Variants in ROBO1 observed in about 807,000 individuals in gnomAD.
The protein encoded by ROBO1 is roundabout homolog 1.
ROBO1 carries 149 observed loss-of-function variants against 195.9 expected under a neutral mutation model. The ratio of observed to expected loss-of-function variants is 0.76; its 90% CI spans 0.67 to 0.87. The LOEUF is 0.87. Ranked by LOEUF, ROBO1 falls within the 40% of genes least tolerant of loss-of-function variation. The pLI is 0.00. For synonymous variants in ROBO1, 816 were observed against 733.2 expected, an observed-to-expected ratio of 1.11 and a Z score of -1.82; for missense variants, 1,933 against 2,068.3, an observed-to-expected ratio of 0.93 and a Z score of 1.27.
chr3:79,616,857 C>A (rs1944838249), intron 1 of ROBO1, among the ~76,000 whole-genome samples: 1 of 152,100 alleles, frequency 6.6e-6, no homozygotes, highest in Non-Finnish European at 1.5e-5. Context: ...AAGGGTTGTG[C>A]TCATGTCCCA....
At chr3:79,427,346 T>C (rs1210355027) in intron 2 of ROBO1, among the ~76,000 whole-genome samples, 1 of 152,204 alleles carries the variant, frequency 6.6e-6, no homozygotes. Context: ...ATGTACATTT[T>C]AGAATACTCT....
chr3:79,362,894 G>GA (rs1559846109), intron 2 of ROBO1, among the ~76,000 whole-genome samples: 3 of 152,024 alleles, frequency 2.0e-5, no homozygotes, highest in African/African-American at 7.2e-5. Context: ...GGGAGATAAG[G>GA]AAAAAACCCA....
chr3:79,051,081 A>C (rs1228481439), intron 3 of ROBO1, among the ~76,000 whole-genome samples: 1 of 152,168 alleles, frequency 6.6e-6, no homozygotes, highest in African/African-American at 2.4e-5. Context: ...AAGGAGATAG[A>C]GACACAAAAA....
chr3:78,739,979 C>A (rs561720814), intron 5 of ROBO1, among the ~76,000 whole-genome samples: 1 of 152,082 alleles, frequency 6.6e-6, no homozygotes, highest in Non-Finnish European at 1.5e-5. Flanking sequence ...AATGCAAGTG[C>A]CCCCTTGGTT....
intron 2 of ROBO1, among the ~76,000 whole-genome samples, chr3:79,574,748 T>C (rs1419618159): frequency 1.3e-5 from 2 of 151,828 alleles, no homozygotes; most frequent in African/African-American, 4.8e-5. Context: ...ATATAATAAA[T>C]TTAATTAAAT....
chr3:79,194,789 G>C (rs1288065325), intron 2 of ROBO1, among the ~76,000 whole-genome samples: 1 of 151,470 alleles, frequency 6.6e-6, no homozygotes, highest in African/African-American at 2.4e-5. Flanking sequence ...TGCCATTCAA[G>C]TAAATGAGAA....
intron 1 of ROBO1, among the ~76,000 whole-genome samples, chr3:79,615,591 A>G (rs1011496388): frequency 1.2e-4 from 18 of 152,184 alleles, no homozygotes; most frequent in African/African-American, 3.9e-4. Flanking sequence ...ATATAGATTA[A>G]TCAAAATAGC....
rs537267877 is a variant in ROBO1 at position 79,641,853 on chromosome 3, A to G, written c.-50-51892T>C. ...GGCAACATGGTGAAACCCCATCTCT[A>G]TAAAAATATACAAAACTTAGCCAGG... On this transcript the variant is annotated intron_variant, in intron 1 of 30. Transcript: ENST00000464233. Among the ~76,000 whole-genome samples, 29 of 152,080 alleles carry G rather than the reference A, an allele frequency of 1.9e-4. 1 individual carries two copies. In the Middle Eastern group the frequency reaches 0.014, roughly 71 times the overall value.
At chr3:79,620,458 G>A (rs775567177) in intron 1 of ROBO1, among the ~76,000 whole-genome samples, 2 of 152,014 alleles carry the variant, frequency 1.3e-5, no homozygotes, top group Non-Finnish European at 2.9e-5. Context: ...ACTGTTGTGG[G>A]TATCGACGGC....
At chr3:79,638,709 A>G (rs1464373548) in intron 1 of ROBO1, among the ~76,000 whole-genome samples, 1 of 152,234 alleles carries the variant, frequency 6.6e-6, no homozygotes, top group African/African-American at 2.4e-5. Flanking sequence ...AATCTTTTTC[A>G]GTATTAGAGC....
At chr3:79,167,464 T>C (rs2081089488) in intron 2 of ROBO1, among the ~76,000 whole-genome samples, 1 of 152,156 alleles carries the variant, frequency 6.6e-6, no homozygotes, top group South Asian at 2.1e-4. Context: ...TCCTATAACT[T>C]ATATCTTTAT....
chr3:78,768,885 C>T (rs1381626246), intron 4 of ROBO1, among the ~76,000 whole-genome samples: 2 of 147,316 alleles, frequency 1.4e-5, no homozygotes, highest in East Asian at 4.1e-4. Flanking sequence ...GTTCAATTCC[C>T]ACCTATGAGT....
chr3:78,786,631 C>T (rs1238386587), intron 4 of ROBO1, among the ~76,000 whole-genome samples: 1 of 152,048 alleles, frequency 6.6e-6, no homozygotes, highest in Non-Finnish European at 1.5e-5. Context: ...TTCTCCTTCA[C>T]TAATGATAGT....
intron 4 of ROBO1, among the ~76,000 whole-genome samples, chr3:78,921,370 T>C (rs943702747): frequency 2.0e-4 from 31 of 152,192 alleles, no homozygotes; most frequent in Admixed American, 6.5e-5. Context: ...ATAGCATAAG[T>C]ACCCTCTCTA....
At chr3:78,786,482 A>G (rs2108505144) in intron 4 of ROBO1, among the ~76,000 whole-genome samples, 1 of 152,184 alleles carries the variant, frequency 6.6e-6, no homozygotes, top group East Asian at 1.9e-4. Flanking sequence ...CTCATGATTC[A>G]AGTATTATCA....
chr3:79,057,402 T>C (rs1320090675), intron 3 of ROBO1, among the ~76,000 whole-genome samples: 1 of 152,032 alleles, frequency 6.6e-6, no homozygotes, highest in Non-Finnish European at 1.5e-5. Context: ...ATGTGAATAC[T>C]GACAACGAAA....
At chr3:79,761,344 G>A (rs1704687830) in intron 1 of ROBO1, among the ~76,000 whole-genome samples, 2 of 151,622 alleles carry the variant, frequency 1.3e-5, no homozygotes, top group South Asian at 2.1e-4. Flanking sequence ...AATTAAATAT[G>A]TAATATATAC....
intron 2 of ROBO1, among the ~76,000 whole-genome samples, chr3:79,319,488 A>G (rs1004612654): frequency 3.3e-5 from 5 of 152,154 alleles, no homozygotes; most frequent in African/African-American, 7.2e-5. Context: ...CTGTTTATCA[A>G]GTAAGTCCAT....
intron 4 of ROBO1, among the ~76,000 whole-genome samples, chr3:78,762,446 T>C (rs979535425): frequency 2.0e-5 from 3 of 152,090 alleles, no homozygotes; most frequent in Non-Finnish European, 2.9e-5. Flanking sequence ...TGTTATTTTA[T>C]CTGTTTTTTG....
Sources: allele counts gnomAD v4.1 joint callset (sites outside exome capture counted in the v4.1 genomes callset), GRCh38; gene constraint gnomAD v4.1.1; transcripts MANE v1.5; gene names NCBI Gene and HGNC (gene_info 2026-07-23, HGNC 2026-07-21).